Variants in KLHL24 observed in about 807,000 individuals in gnomAD.
KLHL24 encodes kelch-like protein 24.
Under a neutral mutation model 53.4 loss-of-function variants are expected in KLHL24, and 29 were observed. The ratio of observed to expected loss-of-function variants is 0.54; its 90% CI spans 0.40 to 0.74. KLHL24 has a LOEUF of 0.74. Ranked by LOEUF, KLHL24 falls within the 30% of genes least tolerant of loss-of-function variation. The pLI is 0.00. For synonymous variants in KLHL24, 222 were observed against 253.7 expected, an observed-to-expected ratio of 0.88 and a Z score of 1.19; for missense variants, 504 against 744.0, an observed-to-expected ratio of 0.68 and a Z score of 3.75.
chr3:183,667,884 G>C (rs896497572), intron 5 of KLHL24, among the ~76,000 whole-genome samples: 4 of 151,326 alleles, frequency 2.6e-5, no homozygotes, highest in Non-Finnish European at 4.4e-5. Context: ...ACCTAATTTT[G>C]GTATTTTTTG....
At chr3:183,668,691 G>A (rs1004034438) in intron 5 of KLHL24, among the ~76,000 whole-genome samples, 1 of 152,156 alleles carries the variant, frequency 6.6e-6, no homozygotes, top group Non-Finnish European at 1.5e-5. Flanking sequence ...CAAATCACAA[G>A]GTCAGGAGTT....
intron 1 of KLHL24, among the ~76,000 whole-genome samples, chr3:183,637,759 A>G (rs1250931063): frequency 6.6e-6 from 1 of 152,106 alleles, no homozygotes; most frequent in Non-Finnish European, 1.5e-5. Flanking sequence ...CCCGAGTTCA[A>G]TCGATTCTCC....
chr3:183,673,263 A>G (rs1486806425), intron 7 of KLHL24, among the ~76,000 whole-genome samples: 1 of 152,172 alleles, frequency 6.6e-6, no homozygotes, highest in Non-Finnish European at 1.5e-5. Context: ...ATTATTTTAT[A>G]TATTTTTCAA....
rs1055320298 is a variant in KLHL24 at position 183,683,130 on chromosome 3, G to A, written c.*3844G>A. 1 of 151,578 alleles carries A rather than the reference G, an allele frequency of 6.6e-6. No homozygotes were observed. The highest frequency in any genetic ancestry group is 1.5e-5 in the Non-Finnish European group (1 of 68,056). 9.4% of individuals were successfully genotyped at this position (151,578 alleles called of 1,614,324 possible). A position where few individuals can be genotyped will look rare whatever the true frequency, so the allele number is the denominator to read the frequency against. On this transcript the variant is annotated 3_prime_UTR_variant, in exon 8 of 8. Transcript: ENST00000242810. ...GGCTAATTTTTTTGTATTTTTAGTA[G>A]AGACGGGGTTTAGTAGAGACGGATC...
chr3:183,658,303 G>A (rs1339644549), intron 3 of KLHL24, among the ~76,000 whole-genome samples: 1 of 151,834 alleles, frequency 6.6e-6, no homozygotes, highest in African/African-American at 2.4e-5. Context: ...TCACAGTTCT[G>A]CACCTTGCAT....
chr3:183,651,872 C>T (rs938201824), intron 3 of KLHL24, among the ~76,000 whole-genome samples: 6 of 151,756 alleles, frequency 4.0e-5, no homozygotes, highest in African/African-American at 1.5e-4. Flanking sequence ...CTGCTTGAGC[C>T]CAGGAGTTTG....
At chr3:183,660,773 T>G (rs1363496158) in intron 3 of KLHL24, among the ~76,000 whole-genome samples, 1 of 151,984 alleles carries the variant, frequency 6.6e-6, no homozygotes, top group Non-Finnish European at 1.5e-5. Context: ...GTTTAAAAGA[T>G]CTGGCCGGGA....
intron 7 of KLHL24, among the ~76,000 whole-genome samples, chr3:183,674,592 C>A (rs551830108): frequency 2.0e-5 from 3 of 152,100 alleles, no homozygotes; most frequent in African/African-American, 7.2e-5. Context: ...AAACTCCTGA[C>A]CTTGTGATCC....
Position 183,681,316 on chromosome 3 carries a change from ATAGT to A in KLHL24, c.*2032_*2035del, listed in dbSNP as rs2108912632. On this transcript the variant is annotated 3_prime_UTR_variant, in exon 8 of 8. Transcript: ENST00000242810. ...GTAAATGCTGAGGATTCTACAAATG[ATAGT>A]TGTTATTTTCATGTGTATTTGTAAG... The A allele has an allele frequency of 6.6e-6, 1 of 152,452 alleles. No individual in the cohort carries two copies. The highest frequency in any genetic ancestry group is 6.5e-5 in the Admixed American group (1 of 15,284). 9.4% of individuals were successfully genotyped at this position (152,452 alleles called of 1,614,324 possible).
At chr3:183,675,872 A>G (rs969952888) in intron 7 of KLHL24, among the ~76,000 whole-genome samples, 1 of 152,248 alleles carries the variant, frequency 6.6e-6, no homozygotes, top group African/African-American at 2.4e-5. Context: ...GATAATTGCC[A>G]GTATGTAGCA....
chr3:183,672,044 A>C (rs1203207145), intron 6 of KLHL24, among the ~76,000 whole-genome samples: 1 of 152,182 alleles, frequency 6.6e-6, no homozygotes, highest in African/African-American at 2.4e-5. Flanking sequence ...TTTAGTGGAC[A>C]AACCTGGTGG....
chr3:183,661,064 C>CAAAAAAAA (rs755600519), intron 3 of KLHL24, among the ~76,000 whole-genome samples: 1 of 27,886 alleles, frequency 3.6e-5, no homozygotes, highest in African/African-American at 2.0e-4. Context: ...GACTCCGTCT[C>CAAAAAAAA]AAAAAAAAAA....
In KLHL24 at chr3:183,674,016, A is replaced by G. The variant is rs568403270; in HGVS notation, c.1602+1532A>G. Among the ~76,000 whole-genome samples the G allele has an allele frequency of 3.3e-5, 5 of 152,198 alleles. No individual in the cohort carries two copies. The South Asian group carries it at 8.3e-4, about 25-fold the overall frequency. The stretch of plus-strand genomic sequence containing the variant: ...CAAATAGAACTCACCTTCTTCCCCA[A>G]ACCTGTTTTTTCTATATTTCCAATT... On this transcript the variant is annotated intron_variant, in intron 7 of 7. Coordinates refer to ENST00000242810, the MANE Select transcript of KLHL24 (RefSeq NM_017644.3).
intron 1 of KLHL24, among the ~76,000 whole-genome samples, chr3:183,640,922 G>A (rs1716322482): frequency 6.6e-6 from 1 of 152,008 alleles, no homozygotes; most frequent in Admixed American, 6.6e-5. Context: ...CTTGTGGTGG[G>A]TAAATATGGT....
chr3:183,674,936 A>G (rs1711576853), intron 7 of KLHL24, among the ~76,000 whole-genome samples: 1 of 152,198 alleles, frequency 6.6e-6, no homozygotes, highest in Admixed American at 6.5e-5. Context: ...TTATCTTTCA[A>G]GGACCACTTC....
chr3:183,642,602 CAAAAAAAAAAAAA>C (rs377410456), intron 1 of KLHL24, among the ~76,000 whole-genome samples: 8 of 92,974 alleles, frequency 8.6e-5, no homozygotes, highest in Non-Finnish European at 1.0e-4. Context: ...CCCCTTCCAC[CAAAAAAAAAAAAA>C]AAAAAAAAAA....
chr3:183,672,511 AAAAT>A (rs1449659280), intron 7 of KLHL24, 27 bp downstream of exon 7: 1 of 1,497,498 alleles, frequency 6.7e-7, no homozygotes, highest in Non-Finnish European at 9.1e-7. Flanking sequence ...GTACAAAAGA[AAAAT>A]AAATCTAAGA....
intron 7 of KLHL24, among the ~76,000 whole-genome samples, chr3:183,675,944 T>A (rs983170860): frequency 6.6e-6 from 1 of 152,012 alleles, no homozygotes; most frequent in Non-Finnish European, 1.5e-5. Context: ...GAGAAAAAAA[T>A]TAATAATAGG....
rs185645271 is a variant in KLHL24, at chr3:183,683,863, A to G, written c.*4577A>G. Reference sequence around the variant, plus strand: ...TATTTGTTTCCTATAGAGTAAATAAACTTCCCCTTCTTAAATTGTGTAATA... The same window carrying G: ...TATTTGTTTCCTATAGAGTAAATAAGCTTCCCCTTCTTAAATTGTGTAATA... On this transcript the variant is annotated 3_prime_UTR_variant, in exon 8 of 8. Coordinates refer to ENST00000242810, the MANE Select transcript of KLHL24 (RefSeq NM_017644.3). 29 of 152,722 alleles carry G rather than the reference A, an allele frequency of 1.9e-4. 1 individual carries two copies. Among genetic ancestry groups the G allele is most frequent in the Admixed American group, 1.8e-3 (28 of 15,300 alleles). 9.5% of individuals were successfully genotyped at this position (152,722 alleles called of 1,614,324 possible). A position where few individuals can be genotyped will look rare whatever the true frequency, so the allele number is the denominator to read the frequency against.
Sources: gnomAD v4.1 joint callset for allele counts (sites outside exome capture counted in the v4.1 genomes callset) on GRCh38, gnomAD v4.1.1 for gene constraint, MANE v1.5 for transcripts, NCBI Gene and HGNC (gene_info 2026-07-23, HGNC 2026-07-21) for gene names.